Variants in PAK3 observed in about 807,000 individuals in gnomAD.
PAK3 encodes the protein p21 (RAC1) activated kinase 3.
Under a neutral mutation model 41.0 loss-of-function variants are expected in PAK3, and 4 were observed. The observed-to-expected ratio is 0.10, with a 90% CI of 0.05 to 0.22. PAK3 has a LOEUF of 0.22. Ranked by LOEUF, PAK3 falls within the 10% of genes least tolerant of loss-of-function variation. The probability of loss-of-function intolerance (pLI) is 1.00; values close to 1 mark genes in which losing one functional copy is unlikely to be tolerated. For missense variants in PAK3, 205 were observed against 409.9 expected (o/e 0.50, Z 4.32); for synonymous variants, 146 against 139.6 (o/e 1.05, Z -0.32).
intron 1 of PAK3, among the ~76,000 whole-genome samples, chrX:110,970,981 T>A (rs1212056545): frequency 8.9e-6 from 1 of 112,143 alleles, no homozygotes; most frequent in Admixed American, 9.4e-5. Flanking sequence ...CTACCTCGAA[T>A]AGCAGTGATG....
At chrX:111,059,121 CTT>C (rs386417402) in intron 1 of PAK3, among the ~76,000 whole-genome samples, 3 of 61,004 alleles carry the variant, frequency 4.9e-5, no homozygotes, top group South Asian at 1.3e-3. Flanking sequence ...TCAACTTTTC[CTT>C]TTTTTTTTTT....
chrX:110,970,093 T>A (rs1044639661), intron 1 of PAK3, among the ~76,000 whole-genome samples: 1 of 112,237 alleles, frequency 8.9e-6, no homozygotes, highest in Non-Finnish European at 1.9e-5. Context: ...TGCTCTTGTA[T>A]TTTTAATTTT....
In PAK3 at chrX:111,124,875, G is replaced by GAA. The variant is rs11381282; in HGVS notation, c.175+1605_175+1606dup. 7.5e-3 allele frequency among the ~76,000 whole-genome samples: 800 copies of GAA among 106,695 alleles called. 7 individuals are homozygous for GAA. The highest frequency in any genetic ancestry group is 0.028 in the Middle Eastern group (6 of 211). The allele number at this position is 106,695 out of a possible 115,157, so 92.7% of individuals were successfully genotyped here. ...TGTGGATGTTCAAGACTACTTAAAA[G>GAA]AAAAAAAAATACCTTGAATTCAAAG... On this transcript the variant is annotated intron_variant, in intron 5 of 17. Coordinates refer to ENST00000372007, the MANE Select transcript of PAK3 (RefSeq NM_002578.5).
At chrX:111,135,908 C>T (rs2093782407) in intron 5 of PAK3, among the ~76,000 whole-genome samples, 1 of 111,527 alleles carries the variant, frequency 9.0e-6, no homozygotes, top group African/African-American at 3.3e-5. Context: ...ATAGTGATCT[C>T]AGCATGTTTT....
chrX:111,090,625 C>T (rs976058986), intron 1 of PAK3, among the ~76,000 whole-genome samples: 2 of 111,454 alleles, frequency 1.8e-5, no homozygotes, highest in East Asian at 2.8e-4. Flanking sequence ...CAGGTTGTCA[C>T]GACAACCAGC....
At chrX:111,027,105 C>T in intron 1 of PAK3, among the ~76,000 whole-genome samples, 1 of 111,242 alleles carries the variant, frequency 9.0e-6, no homozygotes, top group South Asian at 3.8e-4. Flanking sequence ...ATTGGCAAGC[C>T]ACATGTAGAA....
At chrX:110,972,077 TACAC>T (rs1304042162) in intron 1 of PAK3, among the ~76,000 whole-genome samples, 2 of 111,311 alleles carry the variant, frequency 1.8e-5, no homozygotes, top group Non-Finnish European at 3.8e-5. Flanking sequence ...CACATATATA[TACAC>T]ACACACACAT....
At chrX:111,194,582 TC>T (rs2094593595) in intron 14 of PAK3, among the ~76,000 whole-genome samples, 164 bp downstream of exon 14, 1 of 111,757 alleles carries the variant, frequency 8.9e-6, no homozygotes, top group Admixed American at 9.5e-5. Context: ...CTAATAGCAC[TC>T]CCCAGCATCA....
At chrX:110,974,205 C>G (rs2091277100) in intron 1 of PAK3, among the ~76,000 whole-genome samples, 2 of 111,234 alleles carry the variant, frequency 1.8e-5, no homozygotes, top group Non-Finnish European at 3.8e-5. Flanking sequence ...AGCTCTGCAA[C>G]AAGCAGACCT....
chrX:111,097,527 A>G (rs1236470951), intron 2 of PAK3, 48 bp from the exon 3 acceptor site: 1 of 109,999 alleles, frequency 9.1e-6, no homozygotes, highest in Non-Finnish European at 1.9e-5. Flanking sequence ...GGCTTTCAGC[A>G]GGGAAGCCTT....
intron 1 of PAK3, among the ~76,000 whole-genome samples, chrX:111,045,066 C>T (rs969298814): frequency 2.7e-5 from 3 of 112,001 alleles, no homozygotes; most frequent in Non-Finnish European, 5.6e-5. Context: ...CTTTTCTCCT[C>T]CCCAAATGAA....
chrX:110,965,061 C>A (rs765763971), intron 1 of PAK3, among the ~76,000 whole-genome samples: 1 of 111,961 alleles, frequency 8.9e-6, no homozygotes, highest in East Asian at 2.8e-4. Context: ...CAGTCCTGAC[C>A]GTCCAGACAG....
chrX:111,117,028 A>T (rs1213213355), intron 4 of PAK3, among the ~76,000 whole-genome samples: 11 of 111,521 alleles, frequency 9.9e-5, no homozygotes, highest in African/African-American at 3.3e-4. Context: ...CCTGTCTCTG[A>T]TAGCAGAGTT....
intron 5 of PAK3, among the ~76,000 whole-genome samples, chrX:111,129,518 C>A (rs1268804900): frequency 9.0e-6 from 1 of 111,108 alleles, no homozygotes; most frequent in African/African-American, 3.3e-5. Flanking sequence ...TCTTGTACTA[C>A]TCCTTTACTC....
In PAK3 at chrX:110,972,275, A is replaced by G. The variant is rs184380554; in HGVS notation, c.-28+27647A>G. ...TGAGAATGGACTGACTGCCTCCTCA[A>G]GTGGGTCCCCGACCCCCGTGTAGCC... On this transcript the variant is annotated intron_variant, in intron 1 of 14. Coordinates refer to the PAK3 transcript ENST00000425146. Among the ~76,000 whole-genome samples the G allele has an allele frequency of 7.2e-5, 8 of 111,546 alleles. 1 individual carries two copies. The highest frequency in any genetic ancestry group is 1.6e-4 in the African/African-American group (5 of 30,664).
intron 1 of PAK3, among the ~76,000 whole-genome samples, chrX:111,047,212 C>T (rs934966965): frequency 9.8e-5 from 11 of 111,763 alleles, no homozygotes; most frequent in African/African-American, 3.3e-4. Flanking sequence ...AGGACTAATG[C>T]GTGAGGATGT....
At chrX:110,972,394 C>A (rs193246167) in intron 1 of PAK3, among the ~76,000 whole-genome samples, 2 of 111,891 alleles carry the variant, frequency 1.8e-5, no homozygotes, top group Non-Finnish European at 3.8e-5. Context: ...GTTCTGCAGC[C>A]TCCGCTGGAG....
chrX:110,982,645 C>T (rs1463997396), intron 1 of PAK3, among the ~76,000 whole-genome samples: 3 of 111,833 alleles, frequency 2.7e-5, no homozygotes, highest in East Asian at 2.8e-4. Context: ...TGAGGCAAGG[C>T]GACCATAGCA....
intron 1 of PAK3, among the ~76,000 whole-genome samples, chrX:110,966,426 A>T (rs746985353): frequency 9.0e-6 from 1 of 110,555 alleles, no homozygotes. Flanking sequence ...AAAGGGAGGG[A>T]CTCAAAAAAG....
Sources: gnomAD v4.1 joint callset for allele counts (sites outside exome capture counted in the v4.1 genomes callset) on GRCh38, gnomAD v4.1.1 for gene constraint, MANE v1.5 for transcripts, NCBI Gene and HGNC (gene_info 2026-07-23, HGNC 2026-07-21) for gene names.